The following PCDHA3 variants were observed in gnomAD, a reference collection of about 807,000 sequenced individuals.
The protein encoded by PCDHA3 is protocadherin alpha 3.
In PCDHA3, 41 loss-of-function variants were observed where a neutral mutation model predicts 62.2. The ratio of observed to expected loss-of-function variants is 0.66; its 90% CI spans 0.51 to 0.86. The LOEUF (loss-of-function observed/expected upper bound fraction) is 0.86, where lower values mean the gene tolerates loss of function less well. PCDHA3 is among the 40% of genes least tolerant of loss of function. The probability of loss-of-function intolerance (pLI) is 0.00; values close to 1 mark genes in which losing one functional copy is unlikely to be tolerated. For missense variants in PCDHA3, 1,304 were observed against 1,241.2 expected (o/e 1.05, Z -0.76); for synonymous variants, 640 against 555.4 (o/e 1.15, Z -2.14).
intron 1 of PCDHA3, chr5:140,836,897 G>C: frequency 3.3e-6 from 2 of 603,578 alleles, no homozygotes; most frequent in Non-Finnish European, 5.5e-6. Flanking sequence ...TTGGAAGTAC[G>C]TTTAATATAC....
At chr5:140,941,381 A>G (rs2093056743) in intron 1 of PCDHA3, among the ~76,000 whole-genome samples, 1 of 128,140 alleles carries the variant, frequency 7.8e-6, no homozygotes, top group Non-Finnish European at 1.6e-5. Context: ...TAGTGACAGG[A>G]TTTTGGCTCA....
At chr5:140,869,878 A>G in intron 1 of PCDHA3, 1 of 1,610,122 alleles carries the variant, frequency 6.2e-7, no homozygotes, top group Non-Finnish European at 8.5e-7. Flanking sequence ...TGCTAAAGAA[A>G]CTCTTGTGCT....
intron 1 of PCDHA3, among the ~76,000 whole-genome samples, chr5:140,846,743 T>C (rs1359038647): frequency 1.3e-5 from 2 of 149,312 alleles, no homozygotes; most frequent in Admixed American, 6.7e-5. Context: ...ATAGGACCCT[T>C]ACAGATCTCT....
At chr5:140,955,654 A>G (rs2095214723) in intron 1 of PCDHA3, among the ~76,000 whole-genome samples, 1 of 152,208 alleles carries the variant, frequency 6.6e-6, no homozygotes, top group South Asian at 2.1e-4. Flanking sequence ...TAATACACAT[A>G]TGAATTTTAA....
chr5:140,849,028 T>G lies in PCDHA3; in HGVS notation c.2394+45437T>G, dbSNP rs2040749628. 5.1e-6 allele frequency: 8 copies of G among 1,583,910 alleles called. No homozygotes were observed. The highest frequency in any genetic ancestry group is 1.4e-5 in the African/African-American group (1 of 70,832). Reference sequence around the variant, plus strand: ...TACAGACTGAGCCCCAATGAGTATTTCTTCCTGGACGTGCCAACCAGCAAC... The same window carrying G: ...TACAGACTGAGCCCCAATGAGTATTGCTTCCTGGACGTGCCAACCAGCAAC... On this transcript the variant is annotated intron_variant, in intron 1 of 3. Transcript: ENST00000522353.
At chr5:140,913,934 G>C (rs1554196103) in intron 1 of PCDHA3, among the ~76,000 whole-genome samples, 1 of 152,102 alleles carries the variant, frequency 6.6e-6, no homozygotes, top group African/African-American at 2.4e-5. Context: ...TGTGGTCAGA[G>C]AAGAATCTTG....
chr5:140,883,031 G>A, intron 1 of PCDHA3: 1 of 1,614,078 alleles, frequency 6.2e-7, no homozygotes, highest in Non-Finnish European at 8.5e-7. Flanking sequence ...GTTAGAGAAC[G>A]CCTTCAATGG....
At position 140,828,424 on chromosome 5, in the gene PCDHA3, C is replaced by A. The variant is rs138737999; in HGVS notation, c.2394+24833C>A. The A allele has an allele frequency of 3.3e-5, 54 of 1,614,244 alleles. 1 individual carries two copies. The East Asian group carries it at 6.9e-4, about 21-fold the overall frequency. On this transcript the variant is annotated intron_variant, in intron 1 of 3. Transcript: ENST00000522353. The stretch of plus-strand genomic sequence containing the variant: ...GCATCCACCTGGAGGTGATCGTGGA[C>A]AGGCCGCTGCAGGTTTTCCATGTGG...
rs148688132 is a variant in PCDHA3, at chr5:140,902,203, CTT to C, written c.2395-76729_2395-76728del. Among the ~76,000 whole-genome samples the C allele has an allele frequency of 5.2e-3, 642 of 124,424 alleles. 3 individuals are homozygous for C. The highest frequency in any genetic ancestry group is 0.019 in the African/African-American group (601 of 32,314). 81.6% of individuals were successfully genotyped at this position (124,424 alleles called of 152,430 possible). The stretch of plus-strand genomic sequence containing the variant: ...TTATGTCTTCTCTCTCTCTCTCTTT[CTT>C]TTTTTTTTTTTTTTTTGAGATGAGG... On this transcript the variant is annotated intron_variant, in intron 1 of 3. Coordinates refer to ENST00000522353, the MANE Select transcript of PCDHA3 (RefSeq NM_018906.3).
intron 1 of PCDHA3, among the ~76,000 whole-genome samples, chr5:140,879,587 G>A (rs904371743): frequency 6.6e-6 from 1 of 152,186 alleles, no homozygotes. Context: ...GACAGACATT[G>A]AAAAGTGAAA....
At chr5:140,978,922 C>A (rs569091265) in intron 1 of PCDHA3, 27 bp from the exon 2 acceptor site, 7 of 1,613,966 alleles carry the variant, frequency 4.3e-6, no homozygotes, top group Non-Finnish European at 5.1e-6. Context: ...GTCATTTTAA[C>A]AGAAAACTCT....
chr5:140,823,892 T>C, intron 1 of PCDHA3: 1 of 1,613,932 alleles, frequency 6.2e-7, no homozygotes, highest in Non-Finnish European at 8.5e-7. Context: ...ATCTGTGCGG[T>C]GTCCAGCCTG....
intron 1 of PCDHA3, chr5:140,866,780 G>C (rs1327991487): frequency 6.6e-6 from 1 of 152,092 alleles, no homozygotes; most frequent in Admixed American, 6.6e-5. Flanking sequence ...TGTATGTCCT[G>C]ACTGATATAG....
chr5:140,863,300 C>T (rs1554158081), intron 1 of PCDHA3: 1 of 1,463,972 alleles, frequency 6.8e-7, no homozygotes, highest in Admixed American at 1.8e-5. Flanking sequence ...CTGATCATCG[C>T]CATCTGCGTG....
intron 1 of PCDHA3, chr5:140,883,898 C>A (rs781898009): frequency 6.2e-7 from 1 of 1,613,344 alleles, no homozygotes; most frequent in South Asian, 1.1e-5. Flanking sequence ...TGGCGTGCCG[C>A]CTCTGGGCAG....
chr5:140,838,075 ATAGTGTGTGTGTGTGTGTGTGT>A lies in PCDHA3; in HGVS notation c.2394+34485_2394+34506del, dbSNP rs1451714583. 4.8e-3 allele frequency among the ~76,000 whole-genome samples: 618 copies of A among 128,240 alleles called. 16 individuals carry two copies. Among genetic ancestry groups the A allele is most frequent in the African/African-American group, 0.016 (526 of 32,658 alleles). The allele number at this position is 128,240 out of a possible 152,430, so 84.1% of individuals were successfully genotyped here. A position where few individuals can be genotyped will look rare whatever the true frequency, so the allele number is the denominator to read the frequency against. On this transcript the variant is annotated intron_variant, in intron 1 of 3. Transcript: ENST00000522353. ...GTTTTCCACTTTAAGTTATATATAT[ATAGTGTGTGTGTGTGTGTGTGT>A]GTGTGTGTGTGTGTGTGTGTGTGTG...
At chr5:140,822,791 T>C (rs1231627959) in intron 1 of PCDHA3, 1 of 1,614,078 alleles carries the variant, frequency 6.2e-7, no homozygotes, top group East Asian at 2.2e-5. Context: ...GTAGTGAAAC[T>C]CCTGGATGTG....
intron 1 of PCDHA3, among the ~76,000 whole-genome samples, chr5:140,959,366 C>A (rs1257331462): frequency 1.3e-5 from 2 of 151,552 alleles, no homozygotes; most frequent in African/African-American, 4.8e-5. Flanking sequence ...TGAGTGAGAC[C>A]CTGTCTCAAA....
At position 140,836,068 on chromosome 5, in the gene PCDHA3, C is replaced by T. The variant is rs2150251885; in HGVS notation, c.2394+32477C>T. 8.1e-6 allele frequency: 13 copies of T among 1,613,540 alleles called. No individual in the cohort carries two copies. The highest frequency in any genetic ancestry group is 1.6e-4 in the Middle Eastern group (1 of 6,084). ...TTCGTGCTGGACGAGAACGACAACG[C>T]GCCGGCACTGCTGGCGCCTCGGGTG... On this transcript the variant is annotated intron_variant, in intron 1 of 3. Coordinates refer to ENST00000522353, the MANE Select transcript of PCDHA3 (RefSeq NM_018906.3).
Sources: gnomAD v4.1 joint callset for allele counts (sites outside exome capture counted in the v4.1 genomes callset) on GRCh38, gnomAD v4.1.1 for gene constraint, MANE v1.5 for transcripts, NCBI Gene and HGNC (gene_info 2026-07-23, HGNC 2026-07-21) for gene names.